Variants in TCERG1L observed in about 807,000 individuals in gnomAD.
TCERG1L encodes the protein transcription elongation regulator 1-like protein.
A neutral mutation model predicts 56.3 loss-of-function variants in TCERG1L; 37 were observed. That is an observed-to-expected ratio of 0.66 (90% CI 0.51 to 0.87). The LOEUF (loss-of-function observed/expected upper bound fraction) is 0.87. Among genes scored for constraint, TCERG1L ranks in the 40% least tolerant of loss-of-function variants. TCERG1L has a pLI of 0.00. For missense variants in TCERG1L, 799 were observed against 774.2 expected (o/e 1.03, Z -0.38); for synonymous variants, 324 against 326.3 (o/e 0.99, Z 0.08).
At chr10:131,226,356 T>A (rs1328286473) in intron 4 of TCERG1L, among the ~76,000 whole-genome samples, 1 of 152,188 alleles carries the variant, frequency 6.6e-6, no homozygotes, top group African/African-American at 2.4e-5. Context: ...GGAGTCCAGG[T>A]GTGAGCCTCC....
rs187944172 is a variant in TCERG1L at position 131,223,748 on chromosome 10, G to A, written c.856+36511C>T. Among the ~76,000 whole-genome samples, 1,225 of 151,898 alleles carry A rather than the reference G, an allele frequency of 8.1e-3. 6 individuals are homozygous for A. The highest frequency in any genetic ancestry group is 0.011 in the Non-Finnish European group (777 of 67,946). On this transcript the variant is annotated intron_variant, in intron 4 of 11. Coordinates refer to ENST00000368642, the MANE Select transcript of TCERG1L (RefSeq NM_174937.4). The stretch of plus-strand genomic sequence containing the variant: ...TGCTCACACCCCAGAAGCCTCTGGG[G>A]TCCATCACTGCACATCTCCTTCCAG...
intron 3 of TCERG1L, among the ~76,000 whole-genome samples, chr10:131,287,390 T>C (rs1589773150): frequency 6.6e-6 from 1 of 152,346 alleles, no homozygotes; most frequent in Non-Finnish European, 1.5e-5. Context: ...GCTCACAAAT[T>C]CAAGGAATAT....
At chr10:131,255,197 G>A (rs79349840) in intron 4 of TCERG1L, among the ~76,000 whole-genome samples, 5,574 of 152,286 alleles carry the variant, frequency 0.037, 168 homozygotes, top group Middle Eastern at 0.071. Flanking sequence ...CACTGGCAGA[G>A]GGGACAAGGT....
chr10:131,161,770 G>A (rs1845979738), intron 6 of TCERG1L: 1 of 152,216 alleles, frequency 6.6e-6, no homozygotes, highest in Non-Finnish European at 1.5e-5. Flanking sequence ...TCATGCCTAT[G>A]TAGTTACATC....
intron 10 of TCERG1L, among the ~76,000 whole-genome samples, chr10:131,102,842 C>T (rs1845316732): frequency 6.6e-6 from 1 of 152,128 alleles, no homozygotes. Context: ...CTGATGCCGT[C>T]AGACCATCGG....
intron 4 of TCERG1L, among the ~76,000 whole-genome samples, chr10:131,218,657 A>T (rs1439935143): frequency 6.6e-6 from 1 of 152,124 alleles, no homozygotes; most frequent in Non-Finnish European, 1.5e-5. Context: ...GTCTGCCCAT[A>T]GGCGAGTGAC....
intron 8 of TCERG1L, among the ~76,000 whole-genome samples, chr10:131,130,200 G>A (rs1367642465): frequency 2.0e-5 from 3 of 152,084 alleles, no homozygotes; most frequent in African/African-American, 7.2e-5. Context: ...AGGAGAGTGT[G>A]TGCGTGGGAA....
chr10:131,130,111 C>T (rs112785066), intron 8 of TCERG1L, among the ~76,000 whole-genome samples: 3,260 of 149,172 alleles, frequency 0.022, 51 homozygotes, highest in Middle Eastern at 0.056. Flanking sequence ...AAAGGTTGAA[C>T]GGATTCACAG....
chr10:131,248,227 TCA>T (rs1049616622), intron 4 of TCERG1L, among the ~76,000 whole-genome samples: 10 of 143,730 alleles, frequency 7.0e-5, no homozygotes, highest in Admixed American at 1.4e-4. Flanking sequence ...CACACACAAC[TCA>T]CACACACACG....
intron 3 of TCERG1L, among the ~76,000 whole-genome samples, chr10:131,306,970 T>A (rs534225476): frequency 1.6e-4 from 24 of 152,274 alleles, no homozygotes; most frequent in African/African-American, 5.3e-4. Flanking sequence ...GTGAGCTGAT[T>A]TCACCATTTT....
intron 4 of TCERG1L, among the ~76,000 whole-genome samples, chr10:131,255,171 G>C (rs1315478607): frequency 6.6e-6 from 1 of 152,158 alleles, no homozygotes; most frequent in Non-Finnish European, 1.5e-5. Flanking sequence ...CCTTTCAGGT[G>C]GCAGGAAACA....
intron 3 of TCERG1L, among the ~76,000 whole-genome samples, chr10:131,296,376 G>T (rs1461215726): frequency 1.3e-5 from 2 of 152,156 alleles, no homozygotes; most frequent in Admixed American, 6.5e-5. Context: ...TGACAAGATG[G>T]TCTTTTCTTT....
At chr10:131,172,280 C>G (rs1197674113) in intron 4 of TCERG1L, among the ~76,000 whole-genome samples, 1 of 151,910 alleles carries the variant, frequency 6.6e-6, no homozygotes, top group Non-Finnish European at 1.5e-5. Context: ...GAGGGGAACC[C>G]GGGGAAGTGA....
intron 4 of TCERG1L, among the ~76,000 whole-genome samples, chr10:131,222,534 G>C (rs1346079032): frequency 5.3e-5 from 8 of 151,420 alleles, no homozygotes; most frequent in Admixed American, 5.2e-4. Flanking sequence ...CCTGGTGCTG[G>C]GACTCCCAGA....
In TCERG1L at chr10:131,260,555, C is replaced by T. The variant is rs1022950338; in HGVS notation, c.671-111G>A. 1.8e-5 allele frequency: 22 copies of T among 1,232,936 alleles called. No homozygotes were observed. The highest frequency in any genetic ancestry group is 7.9e-5 in the African/African-American group (5 of 63,480). 76.4% of individuals were successfully genotyped at this position (1,232,936 alleles called of 1,614,324 possible). A position where few individuals can be genotyped will look rare whatever the true frequency, so the allele number is the denominator to read the frequency against. ...GCCCCCAGAAAACAGGTGAGGGGGGCGCTACCCCTCTTTAATGGAGGCCCA... is the reference window on the plus strand; with the variant it reads ...GCCCCCAGAAAACAGGTGAGGGGGGTGCTACCCCTCTTTAATGGAGGCCCA... On this transcript the variant is annotated intron_variant, in intron 3 of 11. Transcript: ENST00000368642. The surrounding 1 kb of genome is among the most constrained non-coding windows in gnomAD (Gnocchi z 5.8).
intron 4 of TCERG1L, among the ~76,000 whole-genome samples, chr10:131,224,774 TA>T (rs1156436494): frequency 7.3e-6 from 1 of 136,600 alleles, no homozygotes; most frequent in African/African-American, 2.8e-5. Flanking sequence ...CTCTCCCAGA[TA>T]AAACATGTGG....
intron 3 of TCERG1L, among the ~76,000 whole-genome samples, chr10:131,261,041 G>GC (rs1417823272): frequency 6.6e-6 from 1 of 152,130 alleles, no homozygotes; most frequent in African/African-American, 2.4e-5. Context: ...GCTGGGCCCT[G>GC]CAGGGAGTGG....
chr10:131,101,216 G>A (rs758691276), intron 10 of TCERG1L, among the ~76,000 whole-genome samples: 2 of 152,218 alleles, frequency 1.3e-5, no homozygotes, highest in Non-Finnish European at 2.9e-5. Context: ...CCTTGGATGA[G>A]CCCTGGGTGG....
At chr10:131,251,247 C>T (rs1846107402) in intron 4 of TCERG1L, among the ~76,000 whole-genome samples, 1 of 152,196 alleles carries the variant, frequency 6.6e-6, no homozygotes, top group South Asian at 2.1e-4. Context: ...AGGCCAGCAA[C>T]CCCAGCTCAC....
Sources: gnomAD v4.1 joint callset for allele counts (sites outside exome capture counted in the v4.1 genomes callset) on GRCh38, gnomAD v4.1.1 for gene constraint, Gnocchi (gnomAD v3.1) non-coding constraint, MANE v1.5 for transcripts, NCBI Gene and HGNC (gene_info 2026-07-23, HGNC 2026-07-21) for gene names.